The following HTR2A variants were observed in gnomAD, a reference collection of about 807,000 sequenced individuals.
The protein encoded by HTR2A is 5-hydroxytryptamine receptor 2A, also known as 5-HT2 receptor.
Under a neutral mutation model 31.0 loss-of-function variants are expected in HTR2A, and 14 were observed. The ratio of observed to expected loss-of-function variants is 0.45; its 90% CI spans 0.30 to 0.71. HTR2A has a LOEUF of 0.71. Among genes scored for constraint, HTR2A ranks in the 30% least tolerant of loss-of-function variants. The pLI is 0.09. For synonymous variants in HTR2A, 209 were observed against 225.2 expected (o/e 0.93, Z 0.64); for missense variants, 442 against 573.3 (o/e 0.77, Z 2.34).
intron 3 of HTR2A, among the ~76,000 whole-genome samples, chr13:46,889,421 T>C (rs188907808): frequency 3.3e-5 from 5 of 152,292 alleles, no homozygotes; most frequent in African/African-American, 1.2e-4. Flanking sequence ...AAGTTCTACA[T>C]AACCTCTCAA....
chr13:46,884,376 A>G (rs917057292), intron 3 of HTR2A, among the ~76,000 whole-genome samples: 7 of 152,268 alleles, frequency 4.6e-5, no homozygotes, highest in Non-Finnish European at 8.8e-5. Flanking sequence ...TAATATTTTT[A>G]AGATCTTCAA....
chr13:46,868,142 C>T (rs904261489), intron 3 of HTR2A, among the ~76,000 whole-genome samples: 5 of 152,108 alleles, frequency 3.3e-5, no homozygotes, highest in Non-Finnish European at 7.4e-5. Flanking sequence ...CTTTCTGAAG[C>T]GATAGGAATA....
intron 3 of HTR2A, among the ~76,000 whole-genome samples, chr13:46,883,952 G>GC (rs1179623948): frequency 2.6e-5 from 4 of 152,206 alleles, no homozygotes; most frequent in African/African-American, 9.6e-5. Context: ...ATAATGGTGA[G>GC]CAAGGGGAAA....
chr13:46,861,513 G>A (rs1950778316), intron 3 of HTR2A, among the ~76,000 whole-genome samples: 1 of 152,160 alleles, frequency 6.6e-6, no homozygotes, highest in Admixed American at 6.5e-5. Context: ...ACATTGGAAA[G>A]GCCTGTTCTT....
At chr13:46,845,643 C>CA (rs11394720) in intron 3 of HTR2A, among the ~76,000 whole-genome samples, 46,282 of 112,678 alleles carry the variant, frequency 0.41, 9,274 homozygotes, top group African/African-American at 0.55. Flanking sequence ...TTCATCACTC[C>CA]AAAAAAAAAA....
chr13:46,883,063 C>T (rs1950978834), intron 3 of HTR2A, among the ~76,000 whole-genome samples: 1 of 152,164 alleles, frequency 6.6e-6, no homozygotes, highest in African/African-American at 2.4e-5. Context: ...TCACCAAGTC[C>T]TACAGCAAAA....
At chr13:46,892,101 C>CT (rs1364707424) in intron 3 of HTR2A, among the ~76,000 whole-genome samples, 1 of 152,186 alleles carries the variant, frequency 6.6e-6, no homozygotes, top group African/African-American at 2.4e-5. Context: ...GAGTCGTGGA[C>CT]TTGAAAGTAA....
chr13:46,854,759 C>T (rs530959292), intron 3 of HTR2A, among the ~76,000 whole-genome samples: 1 of 152,268 alleles, frequency 6.6e-6, no homozygotes, highest in Non-Finnish European at 1.5e-5. Context: ...CAAACAGCAA[C>T]AGAATAATGC....
Position 46,895,765 on chromosome 13 carries a change from C to T in HTR2A, c.142G>A (p.Asp48Asn), listed in dbSNP as rs755654778. The change falls in exon 2 of 4, where the codon GAC (aspartate) becomes AAC (asparagine). Residue 48 changes from aspartate to asparagine, a missense_variant. Asp to Asn is a conservative substitution (Grantham distance 23). This residue lies in a region of HTR2A where 83 missense variants were observed against 84.8 expected (regional missense o/e 0.98). Transcript: ENST00000542664. The surrounding 1 kb of genome is among the most constrained non-coding windows in gnomAD (Gnocchi z 4.4). ...GAAAGGTTGGTTCGATTTTCAGAGT[C>T]GACTGTCCAGTTAAATGCATCAGAA... Reference protein sequence around the residue: ...NTSDAFNWTVDSENRTNLSCE... With the variant: ...NTSDAFNWTVNSENRTNLSCE... The T allele has an allele frequency of 2.4e-5, 39 of 1,614,010 alleles. No homozygotes were observed. The highest frequency in any genetic ancestry group is 3.1e-5 in the Non-Finnish European group (36 of 1,180,040).
At chr13:46,880,225 G>T (rs1950949638) in intron 3 of HTR2A, among the ~76,000 whole-genome samples, 1 of 152,126 alleles carries the variant, frequency 6.6e-6, no homozygotes, top group African/African-American at 2.4e-5. Context: ...AGGATACTAG[G>T]ACACAGAGGA....
chr13:46,855,249 C>G (rs928624235), intron 3 of HTR2A, among the ~76,000 whole-genome samples: 1 of 152,182 alleles, frequency 6.6e-6, no homozygotes, highest in Admixed American at 6.5e-5. Flanking sequence ...AGTACACCCC[C>G]TTTTCTCTCA....
At chr13:46,888,461 T>C (rs1310030109) in intron 3 of HTR2A, among the ~76,000 whole-genome samples, 2 of 96,700 alleles carry the variant, frequency 2.1e-5, no homozygotes, top group Non-Finnish European at 4.3e-5. Flanking sequence ...TTGCCACCTA[T>C]GAAGTGCTGA....
intron 3 of HTR2A, among the ~76,000 whole-genome samples, chr13:46,881,640 A>C (rs1950964243): frequency 6.6e-6 from 1 of 152,228 alleles, no homozygotes. Flanking sequence ...CAGAAGTGGA[A>C]GTGAGGACAG....
chr13:46,857,596 G>A (rs1432577941), intron 3 of HTR2A, among the ~76,000 whole-genome samples: 2 of 152,178 alleles, frequency 1.3e-5, no homozygotes, highest in South Asian at 2.1e-4. Context: ...TTGGGGAGAT[G>A]CATTCAGACC....
In HTR2A at chr13:46,833,801, T is replaced by G. The variant is rs547343985; in HGVS notation, c.*1036A>C. The G allele has an allele frequency of 6.6e-6, 1 of 152,320 alleles. No individual in the cohort carries two copies. The highest frequency in any genetic ancestry group is 1.9e-4 in the East Asian group (1 of 5,182). The allele number at this position is 152,320 out of a possible 1,614,324, so 9.4% of individuals were successfully genotyped here. A position where few individuals can be genotyped will look rare whatever the true frequency, so the allele number is the denominator to read the frequency against. The stretch of plus-strand genomic sequence containing the variant: ...AGCAGAATGGTTTTAATAAATAGTA[T>G]AAACCGATGGATCTGAAAGCATCAG... On this transcript the variant is annotated 3_prime_UTR_variant, in exon 4 of 4. Coordinates refer to ENST00000542664, the MANE Select transcript of HTR2A (RefSeq NM_000621.5).
At position 46,895,531 on chromosome 13, in the gene HTR2A, G is replaced by C. The variant is rs766423438; in HGVS notation, c.376C>G (p.Leu126Val). 1 of 1,614,130 alleles carries C rather than the reference G, an allele frequency of 6.2e-7. No individual in the cohort carries two copies. Among genetic ancestry groups the C allele is most frequent in the Non-Finnish European group, 8.5e-7 (1 of 1,180,012 alleles). ...GTTAACATGGACACGGGCATGACAAGGAAACCCAGCAGCATATCAGCTATG... is the reference window on the plus strand; with the variant it reads ...GTTAACATGGACACGGGCATGACAACGAAACCCAGCAGCATATCAGCTATG... ...LAIADMLLGFLVMPVSMLTIL... is the reference protein window; with the variant it reads ...LAIADMLLGFVVMPVSMLTIL... The change falls in exon 2 of 4, where the codon CTT becomes GTT. Residue 126 changes from leucine to valine, a missense_variant. Leu to Val is a conservative substitution (Grantham distance 32, BLOSUM62 1). Around this residue, in one of 5 missense-constraint regions of HTR2A, gnomAD observed 86 missense variants for 179.1 expected, o/e 0.48. Transcript: ENST00000542664. The surrounding 1 kb of genome is among the most constrained non-coding windows in gnomAD (Gnocchi z 4.4).
At chr13:46,868,825 C>T (rs995012653) in intron 3 of HTR2A, among the ~76,000 whole-genome samples, 1 of 152,018 alleles carries the variant, frequency 6.6e-6, no homozygotes, top group African/African-American at 2.4e-5. Flanking sequence ...TATTTACTGC[C>T]ACTATTGGCA....
At chr13:46,876,404 A>ATATATT (rs1325081559) in intron 3 of HTR2A, among the ~76,000 whole-genome samples, 1 of 71,294 alleles carries the variant, frequency 1.4e-5, no homozygotes, top group Non-Finnish European at 2.6e-5. Context: ...ATATATATAT[A>ATATATT]TTTTTTTTTT....
At position 46,878,461 on chromosome 13, in the gene HTR2A, G is replaced by A. The variant is rs141750105; in HGVS notation, c.613+13929C>T. On this transcript the variant is annotated intron_variant, in intron 3 of 3. Coordinates refer to ENST00000542664, the MANE Select transcript of HTR2A (RefSeq NM_000621.5). ...AGCAGCCACAGGGTACTTGGATGCC[G>A]GGGGTTGAAGCCCTGGGAAGCACTT... is the stretch of plus-strand genomic sequence containing the variant. Among the ~76,000 whole-genome samples, 471 of 152,246 alleles carry A rather than the reference G, an allele frequency of 3.1e-3. 3 individuals carry two copies. Among genetic ancestry groups the A allele is most frequent in the African/African-American group, 0.011 (443 of 41,538 alleles).
Sources: allele counts gnomAD v4.1 joint callset (sites outside exome capture counted in the v4.1 genomes callset), GRCh38; gene constraint gnomAD v4.1.1; regional missense constraint gnomAD v4.1.1; non-coding constraint Gnocchi (gnomAD v3.1); transcripts MANE v1.5; gene names NCBI Gene and HGNC (gene_info 2026-07-23, HGNC 2026-07-21).